The following MGST3 variants were observed in gnomAD, a reference collection of about 807,000 sequenced individuals.
MGST3 encodes glutathione S-transferase 3, mitochondrial.
In MGST3, 13 loss-of-function variants were observed where a neutral mutation model predicts 15.8. The observed-to-expected ratio is 0.82, with a 90% CI of 0.54 to 1.31. The LOEUF is 1.31. Ranked by LOEUF, MGST3 falls within the 50% of genes most tolerant of loss-of-function variation. MGST3 has a pLI of 0.00. For missense variants in MGST3, 155 were observed against 192.4 expected, an observed-to-expected ratio of 0.81 and a Z score of 1.15; for synonymous variants, 49 against 68.1, an observed-to-expected ratio of 0.72 and a Z score of 1.38.
At chr1:165,639,989 A>T (rs989243611) in intron 1 of MGST3, among the ~76,000 whole-genome samples, 1 of 152,178 alleles carries the variant, frequency 6.6e-6, no homozygotes, top group African/African-American at 2.4e-5. Flanking sequence ...GTTTCTAATC[A>T]TTCAGAAGTT....
chr1:165,654,385 C>T, intron 5 of MGST3, 34 bp downstream of exon 5: 1 of 1,599,768 alleles, frequency 6.3e-7, no homozygotes, highest in Non-Finnish European at 8.6e-7. Context: ...AAGGAAACAA[C>T]TTTAAAATTT....
At chr1:165,639,374 C>A (rs1180001314) in intron 1 of MGST3, among the ~76,000 whole-genome samples, 1 of 152,200 alleles carries the variant, frequency 6.6e-6, no homozygotes, top group African/African-American at 2.4e-5. Context: ...GGACCTTAGG[C>A]AAATTGTTGA....
At chr1:165,633,287 A>G (rs4147598) in intron 1 of MGST3, among the ~76,000 whole-genome samples, 14,278 of 152,256 alleles carry the variant, frequency 0.094, 874 homozygotes, top group South Asian at 0.25. Context: ...CAACAGGAAA[A>G]TTGTACTATC....
chr1:165,654,551 TGTG>T (rs1317443668), intron 5 of MGST3, among the ~76,000 whole-genome samples, 200 bp downstream of exon 5: 1 of 152,032 alleles, frequency 6.6e-6, no homozygotes, highest in East Asian at 1.9e-4. Context: ...ATTAGCCGGA[TGTG>T]GTGGTGCACA....
rs566193615 is a variant in MGST3, at chr1:165,638,790, G to A, written c.-8+7497G>A. Among the ~76,000 whole-genome samples, 45 of 90,632 alleles carry A rather than the reference G, an allele frequency of 5.0e-4. 1 individual carries two copies. The East Asian group carries it at 0.02, about 41-fold the overall frequency. The allele number at this position is 90,632 out of a possible 152,430, so 59.5% of individuals were successfully genotyped here. A position where few individuals can be genotyped will look rare whatever the true frequency, so the allele number is the denominator to read the frequency against. On this transcript the variant is annotated intron_variant, in intron 1 of 5. Transcript: ENST00000367889. ...AGCCTGTGGGACAGAGAGAGACTCCGTCTTAAAAAAAAAAAAAAACCCACA... is the reference window on the plus strand; with the variant it reads ...AGCCTGTGGGACAGAGAGAGACTCCATCTTAAAAAAAAAAAAAAACCCACA...
chr1:165,641,782 T>C (rs1440540121), intron 1 of MGST3, among the ~76,000 whole-genome samples: 1 of 152,240 alleles, frequency 6.6e-6, no homozygotes. Flanking sequence ...ATCTCTAGTC[T>C]TGTAGATTTC....
intron 1 of MGST3, chr1:165,646,248 C>T (rs964684252): frequency 2.0e-5 from 3 of 152,224 alleles, no homozygotes; most frequent in Admixed American, 6.5e-5. Flanking sequence ...AACTGAGCTG[C>T]ATCCCCTTCC....
chr1:165,653,829 C>G (rs1218985070), intron 4 of MGST3: 2 of 237,384 alleles, frequency 8.4e-6, no homozygotes, highest in Non-Finnish European at 1.7e-5. Flanking sequence ...CAGTGACTGA[C>G]TTCACATAGA....
chr1:165,649,097 T>C (rs992379785), intron 1 of MGST3: 2 of 151,752 alleles, frequency 1.3e-5, no homozygotes, highest in African/African-American at 4.9e-5. Flanking sequence ...TGATGGGCAA[T>C]CTGAGTTCCT....
intron 1 of MGST3, among the ~76,000 whole-genome samples, chr1:165,644,068 A>T (rs1027611227): frequency 1.3e-5 from 2 of 151,888 alleles, no homozygotes; most frequent in South Asian, 4.2e-4. Context: ...AAAAAAAAAA[A>T]AAATTACCTA....
At chr1:165,649,483 A>C in intron 1 of MGST3, 1 of 247,458 alleles carries the variant, frequency 4.0e-6, no homozygotes, top group East Asian at 1.1e-4. Flanking sequence ...GCATTTTACC[A>C]TGTTAAATAT....
At chr1:165,655,282 A>G (rs1648676991) in intron 5 of MGST3, 86 bp from the exon 6 acceptor site, 4 of 1,553,500 alleles carry the variant, frequency 2.6e-6, no homozygotes, top group Non-Finnish European at 1.8e-6. Context: ...ACAACCTCAG[A>G]TGCGATGATA....
intron 1 of MGST3, among the ~76,000 whole-genome samples, chr1:165,641,187 C>CAA (rs9333423): frequency 8.0e-4 from 121 of 151,720 alleles, no homozygotes; most frequent in Middle Eastern, 3.4e-3. Flanking sequence ...TGTCTCAAAA[C>CAA]AAAAAAAGAG....
At chr1:165,632,656 C>T (rs1486221104) in intron 1 of MGST3, among the ~76,000 whole-genome samples, 1 of 151,920 alleles carries the variant, frequency 6.6e-6, no homozygotes, top group Non-Finnish European at 1.5e-5. Context: ...TATAAATCTG[C>T]AGGGAGACTG....
intron 1 of MGST3, among the ~76,000 whole-genome samples, chr1:165,644,998 T>G (rs1571152152): frequency 6.6e-6 from 1 of 152,162 alleles, no homozygotes; most frequent in East Asian, 1.9e-4. Flanking sequence ...TGACCTCAAG[T>G]GATCTGCTTG....
chr1:165,640,881 C>T (rs573493274), intron 1 of MGST3, among the ~76,000 whole-genome samples: 3 of 152,280 alleles, frequency 2.0e-5, no homozygotes, highest in Non-Finnish European at 4.4e-5. Context: ...ATGCCATTGC[C>T]GTGTGTTTTC....
At chr1:165,654,956 G>C (rs7534359) in intron 5 of MGST3, among the ~76,000 whole-genome samples, 108,233 of 152,078 alleles carry the variant, frequency 0.71, 38,935 homozygotes, top group East Asian at 0.99. Flanking sequence ...GATTAAAGCT[G>C]TAGGTCACAG....
Position 165,651,987 on chromosome 1 carries a change from G to A in MGST3, c.201G>A (p.Val67=). The change falls in exon 4 of 6, where the codon GTG becomes GTA. Residue 67 remains valine (V), a synonymous_variant. Coordinates refer to ENST00000367889, the MANE Select transcript of MGST3 (RefSeq NM_004528.4). ...TTTCTGTCAATTCCAGGTTGGAAGT[G>A]TATCCTCCCTTCTTATTTTTTCTAG... is the stretch of plus-strand genomic sequence containing the variant. The part of the protein sequence containing the change: ...IQRAHQNTLE[V]YPPFLFFLAV... 6.2e-7 allele frequency: 1 copy of A among 1,611,280 alleles called. No homozygotes were observed. Among genetic ancestry groups the A allele is most frequent in the East Asian group, 2.2e-5 (1 of 44,706 alleles).
At chr1:165,653,097 T>C (rs983217199) in intron 4 of MGST3, among the ~76,000 whole-genome samples, 8 of 152,244 alleles carry the variant, frequency 5.3e-5, no homozygotes, top group Non-Finnish European at 1.2e-4. Flanking sequence ...GCTTATGACC[T>C]TGAAGGCCTG....
Sources: gnomAD v4.1 joint callset for allele counts (sites outside exome capture counted in the v4.1 genomes callset) on GRCh38, gnomAD v4.1.1 for gene constraint, MANE v1.5 for transcripts, NCBI Gene and HGNC (gene_info 2026-07-23, HGNC 2026-07-21) for gene names.